The following PPM1D variants were observed in gnomAD, a reference collection of about 807,000 sequenced individuals.
The protein encoded by PPM1D is protein phosphatase, Mg2+/Mn2+ dependent 1D.
In PPM1D, 52 loss-of-function variants were observed where a neutral mutation model predicts 58.3. The observed-to-expected ratio is 0.89, with a 90% CI of 0.71 to 1.12. The LOEUF (loss-of-function observed/expected upper bound fraction) is 1.12, where lower values mean the gene tolerates loss of function less well. PPM1D is among the 50% of genes most tolerant of loss of function. The pLI, the probability that PPM1D is intolerant of heterozygous loss-of-function variation, is 0.00. For synonymous variants in PPM1D, 278 were observed against 285.1 expected, an observed-to-expected ratio of 0.98 and a Z score of 0.25; for missense variants, 564 against 777.2, an observed-to-expected ratio of 0.73 and a Z score of 3.26.
chr17:60,626,419 G>A lies in PPM1D; in HGVS notation c.701+2670G>A, dbSNP rs185758316. Among the ~76,000 whole-genome samples the A allele has an allele frequency of 3.6e-3, 549 of 151,294 alleles. 1 individual carries two copies. The highest frequency in any genetic ancestry group is 8.2e-3 in the Admixed American group (124 of 15,180). On this transcript the variant is annotated intron_variant, in intron 2 of 5. Transcript: ENST00000305921. The stretch of plus-strand genomic sequence containing the variant: ...TTTTTTGTTTTTTTTTTTTGAAACG[G>A]AGTCTGGCTCTTTCGCCCAGGCTGG...
chr17:60,620,029 C>T (rs374374349), intron 1 of PPM1D, among the ~76,000 whole-genome samples: 191 of 150,290 alleles, frequency 1.3e-3, no homozygotes, highest in African/African-American at 4.5e-3. Flanking sequence ...GACAGAGTCT[C>T]GCCCTGTCGC....
At chr17:60,651,570 T>C (rs1343052137) in intron 4 of PPM1D, among the ~76,000 whole-genome samples, 2 of 151,960 alleles carry the variant, frequency 1.3e-5, no homozygotes, top group Non-Finnish European at 2.9e-5. Context: ...GCTAATTTTT[T>C]TTATTTTAGT....
intron 5 of PPM1D, among the ~76,000 whole-genome samples, chr17:60,660,326 A>C (rs1262610011): frequency 6.6e-6 from 1 of 152,080 alleles, no homozygotes; most frequent in Admixed American, 6.6e-5. Context: ...ACAAGAATGA[A>C]ACTCTGTCTC....
chr17:60,659,367 A>G (rs1195038005), intron 5 of PPM1D, among the ~76,000 whole-genome samples: 1 of 152,240 alleles, frequency 6.6e-6, no homozygotes, highest in African/African-American at 2.4e-5. Flanking sequence ...GTCTGTAAAC[A>G]TGTCAGCTTC....
intron 1 of PPM1D, among the ~76,000 whole-genome samples, chr17:60,608,137 T>C (rs982517320): frequency 2.0e-5 from 3 of 152,218 alleles, no homozygotes; most frequent in Admixed American, 2.0e-4. Context: ...ATATTACTTA[T>C]CAAGTTCAAA....
chr17:60,617,577 G>C (rs1051151902), intron 1 of PPM1D, among the ~76,000 whole-genome samples: 10 of 151,632 alleles, frequency 6.6e-5, no homozygotes, highest in African/African-American at 2.4e-4. Context: ...ATAGAAGAAA[G>C]GGTTTTATCA....
In PPM1D at chr17:60,600,359, C is replaced by G; in HGVS notation, c.-56C>G. ...TGGCCGGCGAGCGCCTAGTGTGTCT[C>G]CCGCCGCCGGATTCGGCGGGCTGCG... is the stretch of plus-strand genomic sequence containing the variant. On this transcript the variant is annotated 5_prime_UTR_variant, in exon 1 of 6. Coordinates refer to ENST00000305921, the MANE Select transcript of PPM1D (RefSeq NM_003620.4). 3 of 1,535,670 alleles carry G rather than the reference C, an allele frequency of 2.0e-6. No individual in the cohort carries two copies. Among genetic ancestry groups the G allele is most frequent in the Non-Finnish European group, 8.8e-7 (1 of 1,141,730 alleles).
intron 5 of PPM1D, 146 bp from the exon 6 acceptor site, chr17:60,662,849 A>C: frequency 1.5e-6 from 1 of 688,208 alleles, no homozygotes; most frequent in Non-Finnish European, 2.5e-6. Context: ...CACATAGTTC[A>C]GTAAATAGAA....
rs560936189 is a variant in PPM1D at position 60,600,981 on chromosome 17, G to A, written c.472+95G>A. 7.1e-6 allele frequency: 11 copies of A among 1,544,556 alleles called. No homozygotes were observed. The Admixed American group carries it at 1.7e-4, about 23-fold the overall frequency. On this transcript the variant is annotated intron_variant, in intron 1 of 5. Transcript: ENST00000305921. ...CGCGTGGGCCCCCGGCACCCAGAGC[G>A]CAACCAAAGTATACACTGATGGAAG...
chr17:60,635,639 A>G (rs1396430561), intron 3 of PPM1D, among the ~76,000 whole-genome samples: 1 of 152,204 alleles, frequency 6.6e-6, no homozygotes. Flanking sequence ...AGAGGAGGCT[A>G]CTTGAGACTG....
chr17:60,615,099 A>G (rs1414674043), intron 1 of PPM1D, among the ~76,000 whole-genome samples: 6 of 152,218 alleles, frequency 3.9e-5, no homozygotes, highest in Non-Finnish European at 7.3e-5. Flanking sequence ...TTTCTTGCTT[A>G]AGAAAATTTT....
rs148518931 is a variant in PPM1D, at chr17:60,618,118, A to G, written c.473-5403A>G. On this transcript the variant is annotated intron_variant, in intron 1 of 5. Transcript: ENST00000305921. ...GTAGTATTGTCCATTTTCATGTTGA[A>G]CAACTTGGGCTGTTGCCCATTTGTA... Among the ~76,000 whole-genome samples, 63 of 152,298 alleles carry G rather than the reference A, an allele frequency of 4.1e-4. 1 individual carries two copies. Among genetic ancestry groups the G allele is most frequent in the Middle Eastern group, 3.4e-3 (1 of 294 alleles).
intron 1 of PPM1D, among the ~76,000 whole-genome samples, chr17:60,602,892 G>T (rs149722423): frequency 6.7e-6 from 1 of 150,004 alleles, no homozygotes; most frequent in East Asian, 2.0e-4. Flanking sequence ...CACATTTTCT[G>T]TAAAGTAAAC....
chr17:60,656,843 T>C lies in PPM1D; in HGVS notation c.1260+2T>C, dbSNP rs1450373133. Reference sequence around the variant, plus strand: ...CCATGTTCTACACCACCAGTCAAGGTATATAGTTCCATAGTTTTTAAGTTA... The same window carrying C: ...CCATGTTCTACACCACCAGTCAAGGCATATAGTTCCATAGTTTTTAAGTTA... On this transcript the variant is annotated splice_donor_variant, in intron 5 of 5. Transcript: ENST00000305921. LOFTEE classifies it high-confidence loss of function. The C allele has an allele frequency of 6.2e-7, 1 of 1,613,788 alleles. No individual in the cohort carries two copies. Among genetic ancestry groups the C allele is most frequent in the Non-Finnish European group, 8.5e-7 (1 of 1,179,904 alleles).
intron 3 of PPM1D, among the ~76,000 whole-genome samples, chr17:60,639,211 G>A (rs937136255): frequency 1.3e-5 from 2 of 151,890 alleles, no homozygotes; most frequent in African/African-American, 4.8e-5. Context: ...TACTTCCCAG[G>A]TTCAAGCGAT....
At chr17:60,638,194 TA>T (rs1385444001) in intron 3 of PPM1D, among the ~76,000 whole-genome samples, 1 of 152,236 alleles carries the variant, frequency 6.6e-6, no homozygotes, top group African/African-American at 2.4e-5. Flanking sequence ...AATATTTTGA[TA>T]AAAGGGCTTA....
rs183797019 is a variant in PPM1D at position 60,609,339 on chromosome 17, C to T, written c.472+8453C>T. ...CGAACTCCTGACCTCGTGATCCACC[C>T]GCCTTGGCCTCCCAAAGTGCTAGGA... On this transcript the variant is annotated intron_variant, in intron 1 of 5. Transcript: ENST00000305921. Among the ~76,000 whole-genome samples the T allele has an allele frequency of 7.2e-5, 11 of 152,158 alleles. No homozygotes were observed. The East Asian group carries it at 7.7e-4, about 11-fold the overall frequency.
chr17:60,609,238 C>T (rs939619507), intron 1 of PPM1D, among the ~76,000 whole-genome samples: 4 of 151,822 alleles, frequency 2.6e-5, no homozygotes, highest in African/African-American at 4.8e-5. Context: ...GAATTACAGG[C>T]GCGCACTACC....
chr17:60,610,593 G>A (rs1386882542), intron 1 of PPM1D, among the ~76,000 whole-genome samples: 3 of 152,166 alleles, frequency 2.0e-5, no homozygotes, highest in Admixed American at 2.0e-4. Flanking sequence ...GCCGCATTGG[G>A]CTACCACCAA....
Sources: gnomAD v4.1 joint callset for allele counts (sites outside exome capture counted in the v4.1 genomes callset) on GRCh38, gnomAD v4.1.1 for gene constraint, MANE v1.5 for transcripts, NCBI Gene and HGNC (gene_info 2026-07-23, HGNC 2026-07-21) for gene names.